OTOF: variants seen among roughly 807,000 people sequenced by gnomAD.
OTOF encodes fer-1-like family member 2.
In OTOF, 218 loss-of-function variants were observed where a neutral mutation model predicts 236.8. The observed-to-expected ratio is 0.92, with a 90% CI of 0.82 to 1.03. The LOEUF (loss-of-function observed/expected upper bound fraction) is 1.03, where lower values mean the gene tolerates loss of function less well. Among genes scored for constraint, OTOF ranks in the 50% least tolerant of loss-of-function variants. OTOF has a pLI of 0.00. For synonymous variants in OTOF, 1,041 were observed against 1,072.5 expected, an observed-to-expected ratio of 0.97 and a Z score of 0.57; for missense variants, 2,590 against 2,694.4, an observed-to-expected ratio of 0.96 and a Z score of 0.86.
intron 1 of OTOF, among the ~76,000 whole-genome samples, chr2:26,539,281 A>G (rs1667154120): frequency 6.6e-6 from 1 of 152,184 alleles, no homozygotes; most frequent in Non-Finnish European, 1.5e-5. Context: ...GGTTAAAGAA[A>G]AATTTGTTGC....
At chr2:26,527,272 T>A (rs1558516280) in intron 3 of OTOF, among the ~76,000 whole-genome samples, 1 of 152,260 alleles carries the variant, frequency 6.6e-6, no homozygotes, top group Non-Finnish European at 1.5e-5. Context: ...TTCACACAGC[T>A]GCCCTTTGAG....
chr2:26,542,816 G>C (rs1166947358), intron 1 of OTOF, among the ~76,000 whole-genome samples: 1 of 152,144 alleles, frequency 6.6e-6, no homozygotes, highest in African/African-American at 2.4e-5. Context: ...AGGGTGAGGT[G>C]GTGGGCCATC....
chr2:26,476,381 G>A, intron 22 of OTOF, 64 bp from the exon 23 acceptor site: 1 of 1,471,188 alleles, frequency 6.8e-7, no homozygotes, highest in South Asian at 1.2e-5. Flanking sequence ...GTGGGGAAGG[G>A]GCAGGGGCCG....
intron 5 of OTOF, among the ~76,000 whole-genome samples, chr2:26,510,306 C>T (rs1173021092): frequency 4.6e-5 from 7 of 152,108 alleles, no homozygotes; most frequent in East Asian, 1.9e-4. Flanking sequence ...GGCCCTACCT[C>T]GCCCCTGTTG....
At chr2:26,523,590 T>G (rs1375968325) in intron 3 of OTOF, among the ~76,000 whole-genome samples, 1 of 152,132 alleles carries the variant, frequency 6.6e-6, no homozygotes, top group African/African-American at 2.4e-5. Context: ...CCCTGAGTCC[T>G]TCAGAGAAGA....
At position 26,519,040 on chromosome 2, in the gene OTOF, C is replaced by T. The variant is rs397517941; in HGVS notation, c.297G>A (p.Thr99=). 1.3e-3 allele frequency: 2,022 copies of T among 1,610,030 alleles called. 31 individuals carry two copies. The South Asian group carries it at 0.021, about 17-fold the overall frequency. Residue 99 remains threonine (T), a synonymous_variant, in exon 4 of 47, where the codon ACG becomes ACA. Transcript: ENST00000272371. ...TGATAGCATTGTTGTCATCAATCAG[C>T]GTGTCAGTCACCTCCACATGGCTCT... ...VEESHVEVTD[T]LIDDNNAIIK...
intron 3 of OTOF, among the ~76,000 whole-genome samples, chr2:26,522,936 G>A (rs1474911078): frequency 1.3e-5 from 2 of 152,228 alleles, no homozygotes; most frequent in African/African-American, 2.4e-5. Context: ...GGGGCTGGGC[G>A]GCTGGGCAGA....
intron 9 of OTOF, among the ~76,000 whole-genome samples, chr2:26,493,463 A>G (rs4665857): frequency 0.52 from 78,797 of 152,062 alleles, 22,368 homozygotes; most frequent in East Asian, 0.91. Context: ...GGAACCCTCC[A>G]GGAAAGGGAT....
At chr2:26,550,997 TTC>T (rs1468094091) in intron 1 of OTOF, among the ~76,000 whole-genome samples, 1 of 151,808 alleles carries the variant, frequency 6.6e-6, no homozygotes, top group African/African-American at 2.4e-5. Flanking sequence ...CATGGCTTTT[TTC>T]CCCCCCTTGA....
In OTOF at chr2:26,477,699, G is replaced by A. The variant is rs757105998; in HGVS notation, c.2265C>T (p.Tyr755=). The A allele has an allele frequency of 4.3e-5, 69 of 1,612,704 alleles. No individual in the cohort carries two copies. Among genetic ancestry groups the A allele is most frequent in the Middle Eastern group, 3.3e-4 (2 of 6,062 alleles). The part of the protein sequence containing the change: ...IQEMIKTEKS[Y]PERRLRGVLE... ...GGACGCCCCGCAGGCGACGCTCAGG[G>A]TAGGACTTCTCCGTTTTGATCATCT... The change falls in exon 19 of 47, where the codon TAC becomes TAT. Residue 755 remains tyrosine, a synonymous_variant. Coordinates refer to ENST00000272371, the MANE Select transcript of OTOF (RefSeq NM_194248.3). The surrounding 1 kb of genome is among the most constrained non-coding windows in gnomAD (Gnocchi z 4.7).
At chr2:26,494,866 C>T (rs555073748) in intron 9 of OTOF, 76 bp downstream of exon 9, 97 of 1,572,536 alleles carry the variant, frequency 6.2e-5, no homozygotes, top group Middle Eastern at 3.3e-4. Flanking sequence ...CCAGCCACTC[C>T]TATTTCTCCT....
At chr2:26,498,535 C>T (rs1397636195) in intron 8 of OTOF, among the ~76,000 whole-genome samples, 2 of 152,198 alleles carry the variant, frequency 1.3e-5, no homozygotes, top group Non-Finnish European at 2.9e-5. Context: ...CTCCAATCAT[C>T]AGCAGAGGAC....
At chr2:26,526,937 C>T (rs936869747) in intron 3 of OTOF, among the ~76,000 whole-genome samples, 14 of 152,300 alleles carry the variant, frequency 9.2e-5, no homozygotes, top group African/African-American at 3.4e-4. Flanking sequence ...ATGATCCTCC[C>T]GCCTTATCTG....
intron 1 of OTOF, among the ~76,000 whole-genome samples, chr2:26,541,443 T>C (rs1286888226): frequency 6.6e-6 from 1 of 152,094 alleles, no homozygotes; most frequent in Admixed American, 6.5e-5. Context: ...TTAAAAAAGG[T>C]TTGCTGAAAC....
Position 26,457,884 on chromosome 2 carries a change from G to C in OTOF, c.*354C>G. 1 of 746,028 alleles carries C rather than the reference G, an allele frequency of 1.3e-6. No homozygotes were observed. Among genetic ancestry groups the C allele is most frequent in the South Asian group, 1.7e-5 (1 of 57,796 alleles). The allele number at this position is 746,028 out of a possible 1,614,324, so 46.2% of individuals were successfully genotyped here. A position where few individuals can be genotyped will look rare whatever the true frequency, so the allele number is the denominator to read the frequency against. ...GCAAGCCGCAGCCTGGGGCAGTGAG[G>C]ACAGGCGGCCCCCGCAAGCAGGAGG... On this transcript the variant is annotated 3_prime_UTR_variant, in exon 47 of 47. Coordinates refer to ENST00000272371, the MANE Select transcript of OTOF (RefSeq NM_194248.3). The surrounding 1 kb of genome is among the most constrained non-coding windows in gnomAD (Gnocchi z 4.4).
intron 3 of OTOF, among the ~76,000 whole-genome samples, chr2:26,524,306 G>C (rs750595898): frequency 6.6e-6 from 1 of 152,180 alleles, no homozygotes; most frequent in Non-Finnish European, 1.5e-5. Flanking sequence ...CCAGGAGTTC[G>C]AGACCATCCT....
chr2:26,498,771 G>A (rs1275369623), intron 8 of OTOF, among the ~76,000 whole-genome samples: 1 of 152,210 alleles, frequency 6.6e-6, no homozygotes, highest in East Asian at 1.9e-4. Flanking sequence ...ACCTGATCCA[G>A]CTTCAGGAAC....
chr2:26,477,416 C>T lies in OTOF; in HGVS notation c.2406G>A (p.Leu802=). The change falls in exon 20 of 47, where the codon CTG becomes CTA. Residue 802 remains leucine (L), a splice_region_variant and synonymous_variant. Transcript: ENST00000272371. This position sits in a 1 kb window ranked among gnomAD's most constrained non-coding sequence, Gnocchi z 4.7. ...RERLKSCMRE[L]ENMGQQARML... ...CCCCGCCGTCCAGTTGCGTCCTCAC[C>T]AGCTCCCTCATGCAGGACTTGAGGC... The T allele has an allele frequency of 6.3e-7, 1 of 1,584,428 alleles. No homozygotes were observed. The highest frequency in any genetic ancestry group is 8.6e-7 in the Non-Finnish European group (1 of 1,165,560).
In OTOF at chr2:26,480,250, A is replaced by T; in HGVS notation, c.1865T>A (p.Ile622Asn). The T allele has an allele frequency of 2.5e-6, 4 of 1,613,188 alleles. No homozygotes were observed. Among genetic ancestry groups the T allele is most frequent in the Non-Finnish European group, 3.4e-6 (4 of 1,179,756 alleles). Residue 622 changes from isoleucine to asparagine, a missense_variant, in exon 16 of 47, where the codon ATC becomes AAC. Ile to Asn is a moderately radical substitution (Grantham distance 149, BLOSUM62 -3). Transcript: ENST00000272371. Reference protein sequence around the residue: ...LFGAFLEASMIDRRNGDKPIT... With the variant: ...LFGAFLEASMNDRRNGDKPIT... The stretch of plus-strand genomic sequence containing the variant: ...GGGCTTGTCTCCGTTTCTCCGGTCG[A>T]TCATTGAGGCCTCCAGGAAGGCTCC...
Sources: allele counts gnomAD v4.1 joint callset (sites outside exome capture counted in the v4.1 genomes callset), GRCh38; gene constraint gnomAD v4.1.1; non-coding constraint Gnocchi (gnomAD v3.1); transcripts MANE v1.5; gene names NCBI Gene and HGNC (gene_info 2026-07-23, HGNC 2026-07-21).